Variants in KLHL29 observed in about 807,000 individuals in gnomAD.
The protein encoded by KLHL29 is kelch-like protein 29.
KLHL29 carries 21 observed loss-of-function variants against 80.4 expected under a neutral mutation model. The observed-to-expected ratio is 0.26, with a 90% CI of 0.19 to 0.38. The LOEUF is 0.38. KLHL29 is among the 10% of genes least tolerant of loss of function. The probability of loss-of-function intolerance (pLI) is 1.00; values close to 1 mark genes in which losing one functional copy is unlikely to be tolerated. For missense variants in KLHL29, 867 were observed against 1,223.9 expected, an observed-to-expected ratio of 0.71 and a Z score of 4.35; for synonymous variants, 511 against 526.8, an observed-to-expected ratio of 0.97 and a Z score of 0.41.
intron 1 of KLHL29, among the ~76,000 whole-genome samples, chr2:23,432,550 A>G (rs1307738681): frequency 2.0e-5 from 3 of 152,248 alleles, no homozygotes; most frequent in Non-Finnish European, 4.4e-5. Context: ...CTTATCAGTA[A>G]TACACATGTA....
chr2:23,610,172 AG>A (rs1668823728), intron 3 of KLHL29, among the ~76,000 whole-genome samples: 1 of 152,168 alleles, frequency 6.6e-6, no homozygotes, highest in East Asian at 1.9e-4. Flanking sequence ...GCTAGTAGTC[AG>A]GGACTGTCTT....
chr2:23,537,682 C>T (rs1225040556), intron 2 of KLHL29, among the ~76,000 whole-genome samples: 2 of 152,140 alleles, frequency 1.3e-5, no homozygotes, highest in South Asian at 2.1e-4. Context: ...GATGGTTCAT[C>T]GCTCTTTGCT....
At chr2:23,534,024 G>A (rs1666585734) in intron 2 of KLHL29, among the ~76,000 whole-genome samples, 1 of 150,782 alleles carries the variant, frequency 6.6e-6, no homozygotes, top group Admixed American at 6.6e-5. Context: ...TATTTTAATT[G>A]ATATTTGAAC....
intron 3 of KLHL29, among the ~76,000 whole-genome samples, chr2:23,577,241 G>T (rs1488009473): frequency 6.6e-6 from 1 of 152,236 alleles, no homozygotes; most frequent in Non-Finnish European, 1.5e-5. Context: ...CCTGAGGTCA[G>T]GAGTTCGAGA....
intron 1 of KLHL29, among the ~76,000 whole-genome samples, chr2:23,421,752 A>ATG (rs1323045808): frequency 1.1e-4 from 15 of 141,274 alleles, no homozygotes; most frequent in Middle Eastern, 3.8e-3. Context: ...GTGTGTGTTC[A>ATG]TGTGTGTGTG....
chr2:23,599,420 T>G (rs1668511510), intron 3 of KLHL29, among the ~76,000 whole-genome samples: 2 of 152,138 alleles, frequency 1.3e-5, no homozygotes, highest in Admixed American at 1.3e-4. Context: ...AGTTATATTT[T>G]CAACTATCAT....
chr2:23,387,929 T>C (rs1440672227), intron 1 of KLHL29, among the ~76,000 whole-genome samples: 19 of 152,238 alleles, frequency 1.2e-4, no homozygotes, highest in Non-Finnish European at 4.4e-5. Flanking sequence ...TTATAAACCA[T>C]ATTTGCCTGT....
intron 6 of KLHL29, chr2:23,688,883 A>T (rs1292572059): frequency 6.6e-6 from 1 of 152,358 alleles, no homozygotes; most frequent in Non-Finnish European, 1.5e-5. Flanking sequence ...CCTGTGGAGG[A>T]CGCAGCCCTC....
chr2:23,398,800 T>C (rs1336990215), intron 1 of KLHL29, among the ~76,000 whole-genome samples: 2 of 152,240 alleles, frequency 1.3e-5, no homozygotes, highest in Non-Finnish European at 2.9e-5. Flanking sequence ...TCCAGGGTTT[T>C]ATGTGTCAGG....
chr2:23,642,559 G>T lies in KLHL29; in HGVS notation c.649G>T (p.Val217Leu), dbSNP rs900837607. 10 of 1,548,610 alleles carry T rather than the reference G, an allele frequency of 6.5e-6. No homozygotes were observed. The highest frequency in any genetic ancestry group is 8.7e-6 in the Non-Finnish European group (10 of 1,145,488). Reference sequence around the variant, plus strand: ...GCCGCCCTCTCAGCCACTGAGCAGCGTGGTGGTCAACATGCCTGCCCAGGC... The same window carrying T: ...GCCGCCCTCTCAGCCACTGAGCAGCTTGGTGGTCAACATGCCTGCCCAGGC... ...PQPPSQPLSS[V>L]VVNMPAQALY... Residue 217 changes from valine to leucine, a missense_variant, in exon 5 of 14, where the codon GTG becomes TTG. Physicochemically the swap from Val to Leu is conservative, Grantham distance 32. Coordinates refer to ENST00000486442, the MANE Select transcript of KLHL29 (RefSeq NM_052920.2).
chr2:23,646,396 C>T (rs1359173119), intron 5 of KLHL29, among the ~76,000 whole-genome samples: 1 of 152,222 alleles, frequency 6.6e-6, no homozygotes, highest in Non-Finnish European at 1.5e-5. Context: ...TTTTAAAGCC[C>T]CAAGCTCCAG....
At chr2:23,437,710 T>C (rs188425651) in intron 1 of KLHL29, among the ~76,000 whole-genome samples, 1 of 152,360 alleles carries the variant, frequency 6.6e-6, no homozygotes, top group East Asian at 1.9e-4. Context: ...TTGGTTACTG[T>C]AGCCTTGTAG....
intron 1 of KLHL29, among the ~76,000 whole-genome samples, chr2:23,430,663 C>G (rs1663145213): frequency 6.6e-6 from 1 of 152,178 alleles, no homozygotes; most frequent in Non-Finnish European, 1.5e-5. Context: ...TCACATTCCC[C>G]AGGAAACTCA....
rs536795572 is a variant in KLHL29 at position 23,396,260 on chromosome 2, T to G, written c.-154+10480T>G. 2.0e-5 allele frequency among the ~76,000 whole-genome samples: 3 copies of G among 152,296 alleles called. No homozygotes were observed. The South Asian group carries it at 6.2e-4, about 32-fold the overall frequency. ...GCTGCATCCCCTGCGTTTAGGTGCC[T>G]CCCCAGTCGGTCTCCCTGATGCTGA... is the stretch of plus-strand genomic sequence containing the variant. On this transcript the variant is annotated intron_variant, in intron 1 of 13. Coordinates refer to ENST00000486442, the MANE Select transcript of KLHL29 (RefSeq NM_052920.2).
chr2:23,665,356 CAG>C (rs1463558724), intron 5 of KLHL29, among the ~76,000 whole-genome samples: 1 of 152,182 alleles, frequency 6.6e-6, no homozygotes, highest in Non-Finnish European at 1.5e-5. Flanking sequence ...TTTGGTGAGA[CAG>C]AATCATACCT....
At chr2:23,702,345 T>C (rs1387051208) in intron 11 of KLHL29, among the ~76,000 whole-genome samples, 2 of 152,220 alleles carry the variant, frequency 1.3e-5, no homozygotes, top group Non-Finnish European at 2.9e-5. Context: ...CAAAAGCATC[T>C]AACACAAAGC....
At chr2:23,510,096 A>G (rs1025805468) in intron 2 of KLHL29, among the ~76,000 whole-genome samples, 2 of 152,118 alleles carry the variant, frequency 1.3e-5, no homozygotes, top group African/African-American at 2.4e-5. Context: ...AGAGGAGGAA[A>G]TGAGACGGAG....
intron 5 of KLHL29, chr2:23,643,583 G>T (rs919539173): frequency 6.3e-6 from 1 of 157,538 alleles, no homozygotes; most frequent in Non-Finnish European, 1.4e-5. Context: ...TGGAGCCCCC[G>T]GTCTTAGGGT....
chr2:23,412,537 T>C (rs143437706), intron 1 of KLHL29, among the ~76,000 whole-genome samples: 40 of 152,058 alleles, frequency 2.6e-4, no homozygotes, highest in Non-Finnish European at 4.7e-4. Context: ...TCTCCAAGGC[T>C]TAGGAGGGGT....
Sources: gnomAD v4.1 joint callset for allele counts (sites outside exome capture counted in the v4.1 genomes callset) on GRCh38, gnomAD v4.1.1 for gene constraint, MANE v1.5 for transcripts, NCBI Gene and HGNC (gene_info 2026-07-23, HGNC 2026-07-21) for gene names.